Variants in DGCR2 observed in about 807,000 individuals in gnomAD.
The protein encoded by DGCR2 is DiGeorge syndrome critical region gene 2, also known as integral membrane protein DGCR2/IDD.
DGCR2 carries 24 observed loss-of-function variants against 51.6 expected under a neutral mutation model. The observed-to-expected ratio is 0.47, with a 90% confidence interval of 0.34 to 0.65. The LOEUF (loss-of-function observed/expected upper bound fraction) is 0.65. Among genes scored for constraint, DGCR2 ranks in the 30% least tolerant of loss-of-function variants. The probability of loss-of-function intolerance (pLI) is 0.01; values close to 1 mark genes in which losing one functional copy is unlikely to be tolerated. For synonymous variants in DGCR2, 340 were observed against 315.4 expected (o/e 1.08, Z -0.82); for missense variants, 765 against 772.1 (o/e 0.99, Z 0.11).
At chr22:19,058,115 GCT>G (rs148700897) in intron 5 of DGCR2, among the ~76,000 whole-genome samples, 24,102 of 152,162 alleles carry the variant, frequency 0.16, 2,142 homozygotes, top group South Asian at 0.28. Flanking sequence ...GTCTTTTGGA[GCT>G]CTGTTTATAC....
At chr22:19,047,839 T>C (rs1297540048) in intron 7 of DGCR2, 2 of 153,896 alleles carry the variant, frequency 1.3e-5, no homozygotes, top group African/African-American at 4.8e-5. Flanking sequence ...CAATGACAAC[T>C]GTCACTACCC....
chr22:19,040,531 T>A (rs1025677960), intron 9 of DGCR2, among the ~76,000 whole-genome samples: 3 of 152,170 alleles, frequency 2.0e-5, no homozygotes, highest in Non-Finnish European at 2.9e-5. Flanking sequence ...TACACAGCCT[T>A]GAGGAATGGC....
At chr22:19,087,508 G>A (rs936506934) in intron 2 of DGCR2, among the ~76,000 whole-genome samples, 5 of 152,126 alleles carry the variant, frequency 3.3e-5, no homozygotes, top group Admixed American at 6.5e-5. Context: ...TCCTGCCTCA[G>A]CTGGGATTAC....
At chr22:19,087,930 C>T (rs952272840) in intron 2 of DGCR2, among the ~76,000 whole-genome samples, 1 of 152,118 alleles carries the variant, frequency 6.6e-6, no homozygotes, top group African/African-American at 2.4e-5. Flanking sequence ...AGCGATCCAC[C>T]CACCTCAGCC....
At chr22:19,096,069 G>A (rs2083136638) in intron 1 of DGCR2, among the ~76,000 whole-genome samples, 1 of 152,190 alleles carries the variant, frequency 6.6e-6, no homozygotes, top group Non-Finnish European at 1.5e-5. Flanking sequence ...CTGGCCTAAT[G>A]TCTGTCTTCC....
At chr22:19,108,520 A>G (rs723748) in intron 1 of DGCR2, among the ~76,000 whole-genome samples, 2,356 of 141,714 alleles carry the variant, frequency 0.017, 83 homozygotes, top group East Asian at 0.07. Flanking sequence ...GGCTGCAGTG[A>G]GCTGTGATCC....
At chr22:19,120,037 C>T (rs1022772952) in intron 1 of DGCR2, among the ~76,000 whole-genome samples, 3 of 152,160 alleles carry the variant, frequency 2.0e-5, no homozygotes, top group African/African-American at 7.2e-5. Context: ...CAGATCCCTG[C>T]AGCACTCTCA....
At chr22:19,069,915 C>T (rs1313550640) in intron 2 of DGCR2, among the ~76,000 whole-genome samples, 1 of 152,198 alleles carries the variant, frequency 6.6e-6, no homozygotes, top group Admixed American at 6.5e-5. Context: ...GTCCGAGACA[C>T]TTTCAACAGA....
intron 9 of DGCR2, 145 bp downstream of exon 9, chr22:19,040,913 A>G: frequency 1.4e-6 from 1 of 740,308 alleles, no homozygotes; most frequent in Non-Finnish European, 2.1e-6. Context: ...GGGCAGCCCC[A>G]GGAGAAGCCT....
In DGCR2 at chr22:19,045,739, C is replaced by T. The variant is rs146130453; in HGVS notation, c.1006+2701G>A. On this transcript the variant is annotated intron_variant, in intron 7 of 9. Transcript: ENST00000263196. ...TGAACCCAGCCCTATTTTATTTTTA[C>T]TTTTTGAGATGGAGTCTCGCTCTGT... 2.0e-3 allele frequency among the ~76,000 whole-genome samples: 302 copies of T among 152,192 alleles called. 4 individuals are homozygous for T. The highest frequency in any genetic ancestry group is 0.016 in the Admixed American group (244 of 15,278).
At chr22:19,077,170 A>G (rs2082887410) in intron 2 of DGCR2, among the ~76,000 whole-genome samples, 1 of 152,098 alleles carries the variant, frequency 6.6e-6, no homozygotes, top group South Asian at 2.1e-4. Flanking sequence ...TGCTTCTTTT[A>G]ATTAATAGAA....
chr22:19,061,201 G>A (rs1261131026), intron 5 of DGCR2: 2 of 175,564 alleles, frequency 1.1e-5, no homozygotes, highest in Admixed American at 6.3e-5. Context: ...CATGTCCCCA[G>A]GCAGGAGAAA....
At chr22:19,083,994 T>C (rs1007457901) in intron 2 of DGCR2, among the ~76,000 whole-genome samples, 7 of 152,144 alleles carry the variant, frequency 4.6e-5, no homozygotes, top group Non-Finnish European at 7.4e-5. Context: ...GGTGCCGGGA[T>C]TGCAGACGGA....
In DGCR2 at chr22:19,038,582, G is replaced by A. The variant is rs1601492621; in HGVS notation, c.*283C>T. 8.0e-6 allele frequency: 4 copies of A among 499,416 alleles called. No homozygotes were observed. In the East Asian group the frequency reaches 1.5e-4, roughly 18 times the overall value. 30.9% of individuals were successfully genotyped at this position (499,416 alleles called of 1,614,324 possible). A position where few individuals can be genotyped will look rare whatever the true frequency, so the allele number is the denominator to read the frequency against. On this transcript the variant is annotated 3_prime_UTR_variant, in exon 10 of 10. Transcript: ENST00000263196. ...TCTTCATTCCCTGCCTCTAACATGT[G>A]CGGTCTGAATGAATTTTGTCACTCT...
chr22:19,120,907 G>A (rs975141573), intron 1 of DGCR2, among the ~76,000 whole-genome samples: 3 of 152,246 alleles, frequency 2.0e-5, no homozygotes, highest in Non-Finnish European at 4.4e-5. Flanking sequence ...CCAGAGAGCA[G>A]CCAAAAGCAG....
intron 1 of DGCR2, among the ~76,000 whole-genome samples, chr22:19,117,632 G>C (rs1337967784): frequency 6.6e-6 from 1 of 152,230 alleles, no homozygotes. Context: ...CATACACATG[G>C]AAGATGAGGG....
intron 7 of DGCR2, among the ~76,000 whole-genome samples, chr22:19,043,792 T>A (rs551053199): frequency 2.2e-4 from 33 of 152,288 alleles, no homozygotes; most frequent in Admixed American, 9.8e-4. Context: ...GCTAGCCCAG[T>A]ACACTCCATG....
In DGCR2 at chr22:19,048,588, G is replaced by C; in HGVS notation, c.858C>G (p.Thr286=). 6.2e-7 allele frequency: 1 copy of C among 1,614,252 alleles called. No individual in the cohort carries two copies. The highest frequency in any genetic ancestry group is 1.1e-5 in the South Asian group (1 of 91,088). Residue 286 remains threonine (T), a synonymous_variant, in exon 7 of 10, where the codon ACC becomes ACG. Transcript: ENST00000263196. ...TCAGGCATGGGTCGTCCCCCTTAGG[G>C]GTGAAGTAGAACCCTTCATCCACCA... is the stretch of plus-strand genomic sequence containing the variant. ...DNVVDEGFYF[T]PKGDDPCLSC...
chr22:19,102,089 T>A (rs1038539669), intron 1 of DGCR2, among the ~76,000 whole-genome samples: 2 of 152,146 alleles, frequency 1.3e-5, no homozygotes, highest in Middle Eastern at 3.4e-3. Flanking sequence ...CCATCAGCCA[T>A]AAAAAGGAAG....
Sources: allele counts gnomAD v4.1 joint callset (sites outside exome capture counted in the v4.1 genomes callset), GRCh38; gene constraint gnomAD v4.1.1; transcripts MANE v1.5; gene names NCBI Gene and HGNC (gene_info 2026-07-23, HGNC 2026-07-21).